UTP6: variants seen among roughly 807,000 people sequenced by gnomAD.
UTP6 encodes U3 small nucleolar RNA-associated protein 6 homolog.
UTP6 carries 60 observed loss-of-function variants against 96.5 expected under a neutral mutation model. That is an observed-to-expected ratio of 0.62 (90% CI 0.51 to 0.77). The LOEUF is 0.77. Among genes scored for constraint, UTP6 ranks in the 30% least tolerant of loss-of-function variants. The pLI, the probability that UTP6 is intolerant of heterozygous loss-of-function variation, is 0.00. For synonymous variants in UTP6, 215 were observed against 240.1 expected (o/e 0.90, Z 0.96); for missense variants, 637 against 706.5 (o/e 0.90, Z 1.12).
At chr17:31,870,712 AC>A (rs1400637627) in intron 16 of UTP6, among the ~76,000 whole-genome samples, 1 of 151,750 alleles carries the variant, frequency 6.6e-6, no homozygotes. Flanking sequence ...TTTAGTAGAG[AC>A]AGGGTTTCAC....
intron 13 of UTP6, among the ~76,000 whole-genome samples, chr17:31,877,922 G>A (rs1447401473): frequency 3.3e-5 from 5 of 149,256 alleles, no homozygotes; most frequent in African/African-American, 7.4e-5. Flanking sequence ...AGCTGAGATC[G>A]CGCCACTGTG....
chr17:31,887,086 G>T, intron 8 of UTP6, 150 bp downstream of exon 8: 1 of 603,676 alleles, frequency 1.7e-6, no homozygotes, highest in Non-Finnish European at 2.8e-6. Context: ...TGGTGCCACT[G>T]CACTCCAGCC....
intron 7 of UTP6, 92 bp downstream of exon 7, chr17:31,889,193 G>A (rs1466676387): frequency 1.6e-5 from 15 of 927,006 alleles, no homozygotes; most frequent in East Asian, 1.0e-4. Flanking sequence ...AGGCTGAGGC[G>A]TAAGAATTGC....
intron 10 of UTP6, among the ~76,000 whole-genome samples, chr17:31,882,142 T>C (rs1343123644): frequency 6.6e-6 from 1 of 152,120 alleles, no homozygotes; most frequent in Non-Finnish European, 1.5e-5. Context: ...GCGATTCTCC[T>C]GCCTCAGCCT....
chr17:31,876,068 C>G (rs1333516249), intron 13 of UTP6, among the ~76,000 whole-genome samples: 1 of 151,694 alleles, frequency 6.6e-6, no homozygotes, highest in Non-Finnish European at 1.5e-5. Context: ...GAGTTTTGCT[C>G]TGTAACCCAG....
At chr17:31,880,441 A>AT in intron 11 of UTP6, 132 bp downstream of exon 11, 9 of 1,033,536 alleles carry the variant, frequency 8.7e-6, no homozygotes, top group South Asian at 1.6e-5. Context: ...AAAAAAAAAA[A>AT]GGCCAGGCTC....
intron 17 of UTP6, among the ~76,000 whole-genome samples, chr17:31,866,286 CAAAAAA>C (rs869110895): frequency 1.7e-5 from 1 of 58,066 alleles, no homozygotes; most frequent in Non-Finnish European, 3.9e-5. Flanking sequence ...GACTCTGTCT[CAAAAAA>C]AAAAAAAAAA....
chr17:31,901,505 C>T (rs1369562340), intron 1 of UTP6, 31 bp downstream of exon 1: 1 of 1,610,634 alleles, frequency 6.2e-7, no homozygotes, highest in East Asian at 2.2e-5. Context: ...CAGGCCGCCT[C>T]AGCTCTTCCC....
rs1409978887 is a variant in UTP6 at position 31,862,077 on chromosome 17, T to C, written c.*1282A>G. On this transcript the variant is annotated 3_prime_UTR_variant, in exon 19 of 19. Coordinates refer to ENST00000261708, the MANE Select transcript of UTP6 (RefSeq NM_018428.3). Reference sequence around the variant, plus strand: ...TTGGGAGGCCAAGGCGGGTGGATCATGAGGTCAGGAGTTCGCAACCAGCCT... The same window carrying C: ...TTGGGAGGCCAAGGCGGGTGGATCACGAGGTCAGGAGTTCGCAACCAGCCT... 6.6e-6 allele frequency: 1 copy of C among 152,234 alleles called. No homozygotes were observed. The highest frequency in any genetic ancestry group is 1.5e-5 in the Non-Finnish European group (1 of 68,056). 9.4% of individuals were successfully genotyped at this position (152,234 alleles called of 1,614,324 possible). A position where few individuals can be genotyped will look rare whatever the true frequency, so the allele number is the denominator to read the frequency against.
intron 16 of UTP6, 92 bp downstream of exon 16, chr17:31,873,286 C>T: frequency 8.1e-7 from 1 of 1,240,092 alleles, no homozygotes; most frequent in Non-Finnish European, 1.2e-6. Flanking sequence ...AGATTACTCC[C>T]TCAGATGCTA....
At chr17:31,868,325 G>GTTTTTTTTTTTTTTTTT (rs33960994) in intron 16 of UTP6, among the ~76,000 whole-genome samples, 2 of 90,512 alleles carry the variant, frequency 2.2e-5, no homozygotes, top group Non-Finnish European at 4.0e-5. Flanking sequence ...TAGTTTTTTG[G>GTTTTTTTTTTTTTTTTT]TTTTTTTTTT....
At chr17:31,894,908 C>CT in intron 3 of UTP6, 62 bp downstream of exon 3, 1 of 1,433,164 alleles carries the variant, frequency 7.0e-7, no homozygotes, top group Non-Finnish European at 9.7e-7. Context: ...CAAGTCCTAA[C>CT]TATACAGCCA....
At position 31,879,841 on chromosome 17, in the gene UTP6, C is replaced by A. The variant is rs184087324; in HGVS notation, c.967+732G>T. Among the ~76,000 whole-genome samples, 325 of 151,932 alleles carry A rather than the reference C, an allele frequency of 2.1e-3. 2 individuals carry two copies. Among genetic ancestry groups the A allele is most frequent in the Non-Finnish European group, 2.9e-3 (195 of 67,954 alleles). Reference sequence around the variant, plus strand: ...CCAGGCACGGCCAAATGCGGTGGCTCATGCGTGTAATCCCAGCACTTTAGG... The same window carrying A: ...CCAGGCACGGCCAAATGCGGTGGCTAATGCGTGTAATCCCAGCACTTTAGG... On this transcript the variant is annotated intron_variant, in intron 11 of 18. Coordinates refer to ENST00000261708, the MANE Select transcript of UTP6 (RefSeq NM_018428.3).
intron 10 of UTP6, among the ~76,000 whole-genome samples, chr17:31,883,409 G>A (rs529034098): frequency 1.0e-4 from 15 of 149,606 alleles, no homozygotes; most frequent in African/African-American, 2.0e-4. Context: ...TCCACCTCCC[G>A]GCTTCAAGTG....
At chr17:31,896,963 T>C (rs1462395901) in intron 2 of UTP6, among the ~76,000 whole-genome samples, 1 of 152,080 alleles carries the variant, frequency 6.6e-6, no homozygotes, top group African/African-American at 2.4e-5. Flanking sequence ...TCTCTCATGG[T>C]TTGTGCTTTC....
chr17:31,882,384 G>T lies in UTP6; in HGVS notation c.786-1630C>A, dbSNP rs182814551. Among the ~76,000 whole-genome samples the T allele has an allele frequency of 1.7e-3, 251 of 149,322 alleles. 1 individual carries two copies. The highest frequency in any genetic ancestry group is 7.1e-3 in the Middle Eastern group (2 of 282). ...TCACCAGGATGGAGTGCAGTGGGAC[G>T]ATCTCAGCTCACTGCAACCTCCACC... On this transcript the variant is annotated intron_variant, in intron 10 of 18. Coordinates refer to ENST00000261708, the MANE Select transcript of UTP6 (RefSeq NM_018428.3).
chr17:31,871,145 A>G (rs761937553), intron 16 of UTP6, among the ~76,000 whole-genome samples: 1 of 151,302 alleles, frequency 6.6e-6, no homozygotes, highest in Non-Finnish European at 1.5e-5. Context: ...GCCTGCCACC[A>G]CGCCCGGCTA....
intron 16 of UTP6, among the ~76,000 whole-genome samples, chr17:31,869,406 A>G (rs2142290772): frequency 6.6e-6 from 1 of 152,192 alleles, no homozygotes; most frequent in South Asian, 2.1e-4. Context: ...GGGCCCAAGC[A>G]ATCCTCCCAC....
At chr17:31,895,372 T>C (rs545465434) in intron 2 of UTP6, among the ~76,000 whole-genome samples, 1 of 152,226 alleles carries the variant, frequency 6.6e-6, no homozygotes, top group Non-Finnish European at 1.5e-5. Flanking sequence ...AAGCTACCTA[T>C]GTACCTATCT....
Sources: gnomAD v4.1 joint callset for allele counts (sites outside exome capture counted in the v4.1 genomes callset) on GRCh38, gnomAD v4.1.1 for gene constraint, MANE v1.5 for transcripts, NCBI Gene and HGNC (gene_info 2026-07-23, HGNC 2026-07-21) for gene names.